KCNMB2: variants seen among roughly 807,000 people sequenced by gnomAD.
KCNMB2 encodes the protein potassium calcium-activated channel subfamily M regulatory beta subunit 2, also known as calcium-activated potassium channel subunit beta-2.
A neutral mutation model predicts 24.5 loss-of-function variants in KCNMB2; 9 were observed. The ratio of observed to expected loss-of-function variants is 0.37; its 90% CI spans 0.22 to 0.64. The LOEUF (loss-of-function observed/expected upper bound fraction) is 0.64, where lower values mean the gene tolerates loss of function less well. Ranked by LOEUF, KCNMB2 falls within the 30% of genes least tolerant of loss-of-function variation. The pLI is 0.63. For missense variants in KCNMB2, 226 were observed against 284.3 expected (o/e 0.79, Z 1.47); for synonymous variants, 109 against 104.4 (o/e 1.04, Z -0.27).
intron 2 of KCNMB2, among the ~76,000 whole-genome samples, chr3:178,817,718 C>T (rs1714464123): frequency 1.3e-5 from 2 of 152,114 alleles, no homozygotes; most frequent in African/African-American, 4.8e-5. Context: ...GTGGTAGAGT[C>T]CAATGGACAC....
intron 1 of KCNMB2, among the ~76,000 whole-genome samples, chr3:178,635,353 T>C (rs374281391): frequency 6.6e-6 from 1 of 151,658 alleles, no homozygotes; most frequent in African/African-American, 2.4e-5. Context: ...TATCCAGCAG[T>C]TACAGGATTC....
chr3:178,574,547 G>A (rs1388413905), intron 1 of KCNMB2, among the ~76,000 whole-genome samples: 1 of 152,168 alleles, frequency 6.6e-6, no homozygotes, highest in Non-Finnish European at 1.5e-5. Context: ...CCTAAGGGAG[G>A]GAATCTGCCT....
At chr3:178,801,011 G>T (rs1713753464) in intron 1 of KCNMB2, among the ~76,000 whole-genome samples, 1 of 152,020 alleles carries the variant, frequency 6.6e-6, no homozygotes, top group African/African-American at 2.4e-5. Context: ...GTAGAAGGAT[G>T]GTTACCAGAG....
chr3:178,700,047 C>A (rs1722032835), intron 1 of KCNMB2, among the ~76,000 whole-genome samples: 1 of 152,230 alleles, frequency 6.6e-6, no homozygotes, highest in Non-Finnish European at 1.5e-5. Context: ...AAAGTTCTGG[C>A]CTTTTTCCAG....
chr3:178,823,525 A>C (rs763610601), intron 2 of KCNMB2, among the ~76,000 whole-genome samples: 6 of 152,176 alleles, frequency 3.9e-5, no homozygotes, highest in Non-Finnish European at 8.8e-5. Flanking sequence ...TAATAATAAG[A>C]AGAAGCTAAT....
intron 1 of KCNMB2, among the ~76,000 whole-genome samples, chr3:178,800,413 G>A (rs922855741): frequency 2.0e-5 from 3 of 152,052 alleles, no homozygotes; most frequent in Non-Finnish European, 4.4e-5. Context: ...TGGCAAACAA[G>A]TATATGAAAA....
At chr3:178,568,583 G>A (rs1156322016) in intron 1 of KCNMB2, among the ~76,000 whole-genome samples, 2 of 152,084 alleles carry the variant, frequency 1.3e-5, no homozygotes, top group Admixed American at 1.3e-4. Flanking sequence ...CAGCTTAATA[G>A]TCACAGTACT....
chr3:178,736,772 A>G (rs1723329507), intron 1 of KCNMB2, among the ~76,000 whole-genome samples: 4 of 152,250 alleles, frequency 2.6e-5, no homozygotes, highest in South Asian at 4.1e-4. Context: ...AAGCTAACAA[A>G]AAATGTTTAA....
intron 1 of KCNMB2, among the ~76,000 whole-genome samples, chr3:178,598,347 C>T (rs570833155): frequency 4.6e-5 from 7 of 152,120 alleles, no homozygotes; most frequent in Admixed American, 2.0e-4. Context: ...CTAGAGAATA[C>T]GAATTGTTAT....
At chr3:178,640,114 G>A (rs1448696622) in intron 1 of KCNMB2, among the ~76,000 whole-genome samples, 1 of 152,096 alleles carries the variant, frequency 6.6e-6, no homozygotes, top group Non-Finnish European at 1.5e-5. Context: ...CATTCTTGTG[G>A]ACTTTATATA....
intron 1 of KCNMB2, among the ~76,000 whole-genome samples, chr3:178,648,361 G>A (rs1719993787): frequency 6.6e-6 from 1 of 152,100 alleles, no homozygotes; most frequent in Non-Finnish European, 1.5e-5. Flanking sequence ...AACATAGCAA[G>A]ACCCTATCTC....
chr3:178,778,774 C>T (rs1224241876), intron 1 of KCNMB2, among the ~76,000 whole-genome samples: 3 of 152,162 alleles, frequency 2.0e-5, no homozygotes, highest in South Asian at 2.1e-4. Flanking sequence ...ACTCCTGGCA[C>T]CTGGCCACTG....
At chr3:178,722,074 T>C (rs1357903198) in intron 1 of KCNMB2, among the ~76,000 whole-genome samples, 1 of 152,228 alleles carries the variant, frequency 6.6e-6, no homozygotes, top group Non-Finnish European at 1.5e-5. Context: ...AAGTACAATT[T>C]ACCCTTTTTG....
intron 1 of KCNMB2, among the ~76,000 whole-genome samples, chr3:178,789,005 C>G (rs892929579): frequency 1.3e-5 from 2 of 152,162 alleles, no homozygotes. Context: ...CAGATTAGCT[C>G]CACAGTCATA....
At chr3:178,812,090 G>A (rs1403444590) in intron 2 of KCNMB2, among the ~76,000 whole-genome samples, 5 of 151,814 alleles carry the variant, frequency 3.3e-5, no homozygotes, top group Admixed American at 1.3e-4. Flanking sequence ...TGGATTGTTT[G>A]TCTTTTACTT....
chr3:178,686,628 C>T (rs1721480930), intron 1 of KCNMB2, among the ~76,000 whole-genome samples: 1 of 152,088 alleles, frequency 6.6e-6, no homozygotes, highest in South Asian at 2.1e-4. Context: ...CCAAGGTGTC[C>T]TATTTGGGGA....
intron 1 of KCNMB2, among the ~76,000 whole-genome samples, chr3:178,706,469 C>T (rs185907060): frequency 3.3e-5 from 5 of 152,166 alleles, no homozygotes; most frequent in Admixed American, 2.6e-4. Flanking sequence ...AGAAGGTCCA[C>T]GCTATTTCCC....
chr3:178,721,390 G>T (rs534959772), intron 1 of KCNMB2, among the ~76,000 whole-genome samples: 1 of 152,132 alleles, frequency 6.6e-6, no homozygotes. Context: ...ATTTGCTCTT[G>T]TTGTTGTTTG....
intron 1 of KCNMB2, among the ~76,000 whole-genome samples, chr3:178,787,510 A>G (rs1442891119): frequency 6.6e-6 from 1 of 152,208 alleles, no homozygotes; most frequent in Non-Finnish European, 1.5e-5. Context: ...ACGGAAGAAA[A>G]GACAAATGTA....
Sources: gnomAD v4.1 joint callset for allele counts (sites outside exome capture counted in the v4.1 genomes callset) on GRCh38, gnomAD v4.1.1 for gene constraint, MANE v1.5 for transcripts, NCBI Gene and HGNC (gene_info 2026-07-23, HGNC 2026-07-21) for gene names.